RTL10: variants seen among roughly 807,000 people sequenced by gnomAD.
The protein encoded by RTL10 is protein Bop.
For missense variants in RTL10, 477 were observed against 470.7 expected, an observed-to-expected ratio of 1.01 and a Z score of -0.12; for synonymous variants, 199 against 188.4, an observed-to-expected ratio of 1.06 and a Z score of -0.46.
Position 19,847,766 on chromosome 22 carries a change from C to A in RTL10, c.*3401G>T. ...TCCACTTCTCCATACCTCCACAACTCTGGGCATCTAAAACTTTTAAAATCC... is the reference window on the plus strand; with the variant it reads ...TCCACTTCTCCATACCTCCACAACTATGGGCATCTAAAACTTTTAAAATCC... On this transcript the variant is annotated 3_prime_UTR_variant, in exon 3 of 3. Coordinates refer to ENST00000328554, the MANE Select transcript of RTL10 (RefSeq NM_024627.6). 1 of 897,160 alleles carries A rather than the reference C, an allele frequency of 1.1e-6. No individual in the cohort carries two copies. Among genetic ancestry groups the A allele is most frequent in the Non-Finnish European group, 1.3e-6 (1 of 766,068 alleles). The allele number at this position is 897,160 out of a possible 1,614,324, so 55.6% of individuals were successfully genotyped here.
Position 19,850,046 on chromosome 22 carries a change from T to A in RTL10, c.*1121A>T. On this transcript the variant is annotated 3_prime_UTR_variant, in exon 3 of 3. Transcript: ENST00000328554. ...TCACCTACAGCTCTCGGAAGTCAGT[T>A]CTCTACCTGCAGAGCCACCCACCCC... The A allele has an allele frequency of 2.0e-6, 2 of 985,778 alleles. No homozygotes were observed. Among genetic ancestry groups the A allele is most frequent in the South Asian group, 4.7e-5 (1 of 21,288 alleles). 61.1% of individuals were successfully genotyped at this position (985,778 alleles called of 1,614,324 possible). A position where few individuals can be genotyped will look rare whatever the true frequency, so the allele number is the denominator to read the frequency against.
Position 19,851,908 on chromosome 22 carries a change from C to T in RTL10, c.354G>A (p.Leu118=). The part of the protein sequence containing the change: ...DGSPWLLDRF[L]AQLGDYMSFH... ...AGGACATGTAATCGCCCAGCTGGGC[C>T]AAGAAGCGGTCCAGTAGCCACGGGG... The change falls in exon 3 of 3, where the codon TTG becomes TTA. Residue 118 remains leucine, a synonymous_variant. Transcript: ENST00000328554. The T allele has an allele frequency of 6.2e-7, 1 of 1,614,092 alleles. No individual in the cohort carries two copies. Among genetic ancestry groups the T allele is most frequent in the Non-Finnish European group, 8.5e-7 (1 of 1,180,014 alleles).
chr22:19,850,805 C>T lies in RTL10; in HGVS notation c.*362G>A. On this transcript the variant is annotated 3_prime_UTR_variant, in exon 3 of 3. Coordinates refer to ENST00000328554, the MANE Select transcript of RTL10 (RefSeq NM_024627.6). Reference sequence around the variant, plus strand: ...CAGTCCCAGCCAGTGTGGAAGACACCAAGGGGGGTGTTTTATGGGGGTGGA... The same window carrying T: ...CAGTCCCAGCCAGTGTGGAAGACACTAAGGGGGGTGTTTTATGGGGGTGGA... 1 of 1,293,156 alleles carries T rather than the reference C, an allele frequency of 7.7e-7. No homozygotes were observed. The highest frequency in any genetic ancestry group is 9.8e-7 in the Non-Finnish European group (1 of 1,024,888). 80.1% of individuals were successfully genotyped at this position (1,293,156 alleles called of 1,614,324 possible). A position where few individuals can be genotyped will look rare whatever the true frequency, so the allele number is the denominator to read the frequency against.
chr22:19,852,319 G>A lies in RTL10; in HGVS notation c.-58C>T, dbSNP rs1428852256. On this transcript the variant is annotated 5_prime_UTR_variant, in exon 3 of 3. Coordinates refer to ENST00000328554, the MANE Select transcript of RTL10 (RefSeq NM_024627.6). ...AGCACTGGTGGGTGGTGGGGGTGTG[G>A]ACAGATGTGGCTTGCACGACACAAC... 9.1e-6 allele frequency: 14 copies of A among 1,541,116 alleles called. No individual in the cohort carries two copies. In the East Asian group the frequency reaches 1.1e-4, roughly 12 times the overall value.
rs1938096923 is a variant in RTL10, at chr22:19,851,487, G to A, written c.775C>T (p.Leu259=). The change falls in exon 3 of 3, where the codon CTG becomes TTG. Residue 259 remains leucine (L), a synonymous_variant. Coordinates refer to ENST00000328554, the MANE Select transcript of RTL10 (RefSeq NM_024627.6). ...VSRSALFEQQ[L]TKESTPGPKE... The stretch of plus-strand genomic sequence containing the variant: ...GGCCCAGGGGTGCTCTCCTTGGTCA[G>A]CTGCTGCTCGAACAGAGCACTTCTA... The A allele has an allele frequency of 6.2e-7, 1 of 1,614,008 alleles. No homozygotes were observed. The highest frequency in any genetic ancestry group is 1.3e-5 in the African/African-American group (1 of 74,890).
chr22:19,851,428 A>C lies in RTL10; in HGVS notation c.834T>G (p.Cys278Trp), dbSNP rs1478935796. 2.5e-6 allele frequency: 4 copies of C among 1,613,982 alleles called. No homozygotes were observed. The East Asian group carries it at 6.7e-5, about 27-fold the overall frequency. Residue 278 changes from cysteine (C) to tryptophan (W), a missense_variant, in exon 3 of 3, where the codon TGT becomes TGG. By Grantham distance (215) the Cys-to-Trp change is radical. Transcript: ENST00000328554. ...GTTCCACAGGACCAGGCTTGGAGCTACATGTAGAACTGGGCAGGACTGGGG... is the reference window on the plus strand; with the variant it reads ...GTTCCACAGGACCAGGCTTGGAGCTCCATGTAGAACTGGGCAGGACTGGGG... The part of the protein sequence containing the change: ...KEPPVLPSST[C>W]SSKPGPVEPA...
chr22:19,847,635 G>C lies in RTL10; in HGVS notation c.*3532C>G. 1.2e-6 allele frequency: 1 copy of C among 836,682 alleles called. No homozygotes were observed. Among genetic ancestry groups the C allele is most frequent in the Non-Finnish European group, 1.4e-6 (1 of 696,078 alleles). The allele number at this position is 836,682 out of a possible 1,614,324, so 51.8% of individuals were successfully genotyped here. ...TGGTACCGAACCATGACCACCCCTG[G>C]CAAGAGCCTTCATGCACCTAGCAAG... On this transcript the variant is annotated 3_prime_UTR_variant, in exon 3 of 3. Transcript: ENST00000328554.
chr22:19,849,752 T>G lies in RTL10; in HGVS notation c.*1415A>C, dbSNP rs3196628. The G allele has an allele frequency of 0.13, 123,304 of 984,346 alleles. 7,900 individuals are homozygous for G. The highest frequency in any genetic ancestry group is 0.16 in the Middle Eastern group (309 of 1,914). 61.0% of individuals were successfully genotyped at this position (984,346 alleles called of 1,614,324 possible). On this transcript the variant is annotated 3_prime_UTR_variant, in exon 3 of 3. Transcript: ENST00000328554. ...TATTTCCAATTCACATTTCTGCTTT[T>G]TCTTCCTACTTTCCAGGAAGGTGTT...
Position 19,850,885 on chromosome 22 carries a change from T to A in RTL10, c.*282A>T. On this transcript the variant is annotated 3_prime_UTR_variant, in exon 3 of 3. Transcript: ENST00000328554. Reference sequence around the variant, plus strand: ...AGAGTTGATCTACAAAACGACCCCCTCGTGGGAGCAGGCCTGGGTGAGACG... The same window carrying A: ...AGAGTTGATCTACAAAACGACCCCCACGTGGGAGCAGGCCTGGGTGAGACG... The A allele has an allele frequency of 7.5e-7, 1 of 1,332,438 alleles. No homozygotes were observed. The highest frequency in any genetic ancestry group is 9.6e-7 in the Non-Finnish European group (1 of 1,045,878). The allele number at this position is 1,332,438 out of a possible 1,614,324, so 82.5% of individuals were successfully genotyped here.
Position 19,851,896 on chromosome 22 carries a change from GCCCA to G in RTL10, c.362_365del (p.Leu121ProfsTer25). 1 of 1,614,018 alleles carries G rather than the reference GCCCA, an allele frequency of 6.2e-7. No homozygotes were observed. The highest frequency in any genetic ancestry group is 8.5e-7 in the Non-Finnish European group (1 of 1,180,020). On this transcript the variant is annotated frameshift_variant, in exon 3 of 3. Transcript: ENST00000328554. LOFTEE classifies it low-confidence loss of function (END_TRUNC). ...GCTCAAAGTGGAAGGACATGTAATC[GCCCA>G]GCTGGGCCAAGAAGCGGTCCAGTAG... is the stretch of plus-strand genomic sequence containing the variant.
chr22:19,850,809 G>C lies in RTL10; in HGVS notation c.*358C>G. 1 of 1,294,178 alleles carries C rather than the reference G, an allele frequency of 7.7e-7. No homozygotes were observed. The highest frequency in any genetic ancestry group is 9.8e-7 in the Non-Finnish European group (1 of 1,025,382). 80.2% of individuals were successfully genotyped at this position (1,294,178 alleles called of 1,614,324 possible). On this transcript the variant is annotated 3_prime_UTR_variant, in exon 3 of 3. Coordinates refer to ENST00000328554, the MANE Select transcript of RTL10 (RefSeq NM_024627.6). ...CCCAGCCAGTGTGGAAGACACCAAG[G>C]GGGGTGTTTTATGGGGGTGGAGGTG...
At position 19,849,027 on chromosome 22, in the gene RTL10, G is replaced by A. The variant is rs924817202; in HGVS notation, c.*2140C>T. ...GAGCAGTCTGACCCAACCCACAAAA[G>A]GGGGGATGGGGCCTGAGTCATCGGA... On this transcript the variant is annotated 3_prime_UTR_variant, in exon 3 of 3. Transcript: ENST00000328554. The A allele has an allele frequency of 1.2e-5, 12 of 985,204 alleles. No individual in the cohort carries two copies. In the African/African-American group the frequency reaches 1.7e-4, roughly 14 times the overall value. The allele number at this position is 985,204 out of a possible 1,614,324, so 61.0% of individuals were successfully genotyped here.
In RTL10 at chr22:19,851,228, G is replaced by A; in HGVS notation, c.1034C>T (p.Pro345Leu). ...CTCCGGGGCCTCCACCACCTCCTGT[G>A]GGGTACCTAAGGACACCTCCTGGTC... ...EGDQEVSLGT[P>L]QEVVEAPETP... Residue 345 changes from proline (P) to leucine (L), a missense_variant, in exon 3 of 3, where the codon CCA (proline) becomes CTA (leucine). Pro to Leu is a moderately conservative substitution (Grantham distance 98, BLOSUM62 -3). Transcript: ENST00000328554. 1 of 1,600,326 alleles carries A rather than the reference G, an allele frequency of 6.2e-7. No homozygotes were observed. Among genetic ancestry groups the A allele is most frequent in the Admixed American group, 1.7e-5 (1 of 57,388 alleles).
intron 2 of RTL10, among the ~76,000 whole-genome samples, chr22:19,853,656 G>A (rs1258990209): frequency 3.3e-5 from 5 of 152,090 alleles, no homozygotes; most frequent in Admixed American, 1.3e-4. Flanking sequence ...GAACCTGCCA[G>A]GGCCACTGGC....
At position 19,847,352 on chromosome 22, in the gene RTL10, T is replaced by C. The variant is rs1388352429; in HGVS notation, c.*3815A>G. On this transcript the variant is annotated 3_prime_UTR_variant, in exon 3 of 3. Coordinates refer to ENST00000328554, the MANE Select transcript of RTL10 (RefSeq NM_024627.6). ...CTGCAGGGTAACAGCTTTATTTGCCTTGCTCCTTTATTGCTGGATCTTTGG... is the reference window on the plus strand; with the variant it reads ...CTGCAGGGTAACAGCTTTATTTGCCCTGCTCCTTTATTGCTGGATCTTTGG... The C allele has an allele frequency of 2.0e-6, 2 of 985,340 alleles. No homozygotes were observed. The highest frequency in any genetic ancestry group is 2.4e-6 in the Non-Finnish European group (2 of 829,952). 61.0% of individuals were successfully genotyped at this position (985,340 alleles called of 1,614,324 possible). A position where few individuals can be genotyped will look rare whatever the true frequency, so the allele number is the denominator to read the frequency against.
rs1400000034 is a variant in RTL10 at position 19,854,651 on chromosome 22, G to GGCGCGGACCGAGAAACTGAGGC, written c.-336_-323+8dup. 1 of 152,862 alleles carries GGCGCGGACCGAGAAACTGAGGC rather than the reference G, an allele frequency of 6.5e-6. No homozygotes were observed. The highest frequency in any genetic ancestry group is 1.5e-5 in the Non-Finnish European group (1 of 68,398). 9.5% of individuals were successfully genotyped at this position (152,862 alleles called of 1,614,324 possible). On this transcript the variant is annotated intron_variant, in intron 1 of 2. Transcript: ENST00000328554. ...TCTCCAGGTGCCCCCACAAACCCCCGGCGCGGACCGAGAAACTGAGGCCCG... is the reference window on the plus strand; with the variant it reads ...TCTCCAGGTGCCCCCACAAACCCCCGGCGCGGACCGAGAAACTGAGGCGCGCGGACCGAGAAACTGAGGCCCG...
Position 19,848,762 on chromosome 22 carries a change from G to A in RTL10, c.*2405C>T. 2.0e-6 allele frequency: 2 copies of A among 985,480 alleles called. No individual in the cohort carries two copies. Among genetic ancestry groups the A allele is most frequent in the South Asian group, 4.7e-5 (1 of 21,280 alleles). The allele number at this position is 985,480 out of a possible 1,614,324, so 61.0% of individuals were successfully genotyped here. On this transcript the variant is annotated 3_prime_UTR_variant, in exon 3 of 3. Coordinates refer to ENST00000328554, the MANE Select transcript of RTL10 (RefSeq NM_024627.6). ...CCCAGGAGCTGCCTGGGTCCCAAGG[G>A]CACAAAAGCCCCAAAGCCCCAATAG...
intron 2 of RTL10, among the ~76,000 whole-genome samples, chr22:19,852,933 G>A (rs1305362920): frequency 6.6e-6 from 1 of 152,144 alleles, no homozygotes; most frequent in African/African-American, 2.4e-5. Flanking sequence ...TATACAGCAC[G>A]CGATTATAAA....
chr22:19,850,619 C>T lies in RTL10; in HGVS notation c.*548G>A. 3.3e-6 allele frequency: 4 copies of T among 1,217,546 alleles called. No homozygotes were observed. Among genetic ancestry groups the T allele is most frequent in the Non-Finnish European group, 4.1e-6 (4 of 979,538 alleles). 75.4% of individuals were successfully genotyped at this position (1,217,546 alleles called of 1,614,324 possible). A position where few individuals can be genotyped will look rare whatever the true frequency, so the allele number is the denominator to read the frequency against. On this transcript the variant is annotated 3_prime_UTR_variant, in exon 3 of 3. Transcript: ENST00000328554. ...TTCTTTGCCAAGATGCTATCCCACT[C>T]ATCCCCCAGAATCAAAGTGGCCACT... is the stretch of plus-strand genomic sequence containing the variant.
Sources: gnomAD v4.1 joint callset for allele counts (sites outside exome capture counted in the v4.1 genomes callset) on GRCh38, gnomAD v4.1.1 for gene constraint, MANE v1.5 for transcripts, NCBI Gene and HGNC (gene_info 2026-07-23, HGNC 2026-07-21) for gene names.